Variants in SLC9A9 observed in about 807,000 individuals in gnomAD.
SLC9A9 encodes solute carrier family 9 member A9.
In SLC9A9, 62 loss-of-function variants were observed where a neutral mutation model predicts 77.8. That is an observed-to-expected ratio of 0.80 (90% confidence interval 0.65 to 0.98). The LOEUF (loss-of-function observed/expected upper bound fraction) is 0.98. Ranked by LOEUF, SLC9A9 falls within the 50% of genes least tolerant of loss-of-function variation. SLC9A9 has a pLI of 0.00. For missense variants in SLC9A9, 775 were observed against 774.9 expected (o/e 1.00, Z 0.00); for synonymous variants, 320 against 283.5 (o/e 1.13, Z -1.29).
At chr3:143,270,056 T>C (rs1197369105) in intron 14 of SLC9A9, among the ~76,000 whole-genome samples, 1 of 152,186 alleles carries the variant, frequency 6.6e-6, no homozygotes, top group Non-Finnish European at 1.5e-5. Flanking sequence ...AAGCAGGCCA[T>C]GCACCTGAAC....
At chr3:143,679,502 A>G (rs1322476340) in intron 5 of SLC9A9, among the ~76,000 whole-genome samples, 1 of 152,220 alleles carries the variant, frequency 6.6e-6, no homozygotes, top group East Asian at 1.9e-4. Flanking sequence ...GGGGCCGTCT[A>G]GTGCGTTTTC....
intron 14 of SLC9A9, among the ~76,000 whole-genome samples, chr3:143,351,093 C>T (rs953531079): frequency 2.0e-5 from 3 of 152,160 alleles, no homozygotes; most frequent in Non-Finnish European, 4.4e-5. Context: ...GGTTTTAAAA[C>T]CTTTTTGATT....
chr3:143,790,216 A>G (rs1356446207), intron 4 of SLC9A9, among the ~76,000 whole-genome samples: 1 of 152,190 alleles, frequency 6.6e-6, no homozygotes, highest in Non-Finnish European at 1.5e-5. Context: ...AGGCCTCCCC[A>G]GCCATGCGGA....
chr3:143,475,509 G>A (rs990833699), intron 11 of SLC9A9, among the ~76,000 whole-genome samples: 1 of 151,864 alleles, frequency 6.6e-6, no homozygotes, highest in African/African-American at 2.4e-5. Context: ...AGTACAATTA[G>A]AGGCCGGGTG....
At chr3:143,673,641 T>C (rs2039192939) in intron 5 of SLC9A9, among the ~76,000 whole-genome samples, 1 of 151,844 alleles carries the variant, frequency 6.6e-6, no homozygotes, top group Admixed American at 6.6e-5. Flanking sequence ...ATTAATAATA[T>C]TAATAATATT....
chr3:143,432,747 A>G (rs1576493458), intron 12 of SLC9A9, among the ~76,000 whole-genome samples: 1 of 151,834 alleles, frequency 6.6e-6, no homozygotes, highest in Non-Finnish European at 1.5e-5. Context: ...CCTGCCTCAG[A>G]CTCCCAAGTA....
chr3:143,421,424 A>G (rs2034294343), intron 12 of SLC9A9, among the ~76,000 whole-genome samples: 1 of 152,196 alleles, frequency 6.6e-6, no homozygotes, highest in South Asian at 2.1e-4. Context: ...ACATAGACCA[A>G]CTGAACAGAA....
chr3:143,592,402 C>A (rs2037664160), intron 6 of SLC9A9, among the ~76,000 whole-genome samples: 1 of 151,958 alleles, frequency 6.6e-6, no homozygotes, highest in East Asian at 1.9e-4. Context: ...ACAACAACAA[C>A]AAAAAAAGTG....
chr3:143,478,656 C>T (rs2035521835), intron 11 of SLC9A9, among the ~76,000 whole-genome samples: 1 of 152,210 alleles, frequency 6.6e-6, no homozygotes, highest in Non-Finnish European at 1.5e-5. Flanking sequence ...GCTTCTTGCT[C>T]ATTTGCACAT....
chr3:143,383,666 G>T (rs891818458), intron 12 of SLC9A9, among the ~76,000 whole-genome samples: 2 of 152,220 alleles, frequency 1.3e-5, no homozygotes, highest in African/African-American at 4.8e-5. Context: ...GAGTCCCTCT[G>T]CCTGCTTCAG....
chr3:143,761,172 A>G (rs2007108277), intron 4 of SLC9A9, among the ~76,000 whole-genome samples: 1 of 152,200 alleles, frequency 6.6e-6, no homozygotes, highest in Non-Finnish European at 1.5e-5. Flanking sequence ...CCTTCCTTAC[A>G]CCTTATACAA....
intron 9 of SLC9A9, chr3:143,517,806 T>C: frequency 6.2e-7 from 1 of 1,600,048 alleles, no homozygotes; most frequent in Non-Finnish European, 8.5e-7. Context: ...GGATTCAGCT[T>C]GATGGCATCT....
chr3:143,735,306 A>G (rs1228906908), intron 4 of SLC9A9, among the ~76,000 whole-genome samples: 2 of 152,316 alleles, frequency 1.3e-5, no homozygotes, highest in African/African-American at 4.8e-5. Flanking sequence ...GTCCTAAAAT[A>G]AAAAGGACTC....
chr3:143,589,555 G>A (rs565932225), intron 6 of SLC9A9, among the ~76,000 whole-genome samples: 68 of 152,184 alleles, frequency 4.5e-4, no homozygotes, highest in African/African-American at 1.6e-3. Flanking sequence ...GAAGATATAG[G>A]TTATACCATA....
intron 2 of SLC9A9, among the ~76,000 whole-genome samples, chr3:143,817,124 C>T (rs1413552114): frequency 6.8e-6 from 1 of 147,752 alleles, no homozygotes; most frequent in Non-Finnish European, 1.5e-5. Flanking sequence ...CTTTTTCATG[C>T]AAAAGTTTAT....
At chr3:143,382,569 A>G (rs748159698) in intron 12 of SLC9A9, among the ~76,000 whole-genome samples, 6 of 152,232 alleles carry the variant, frequency 3.9e-5, no homozygotes, top group Non-Finnish European at 8.8e-5. Context: ...CCCCATAGGG[A>G]GGATTCAGAC....
chr3:143,832,224 A>T lies in SLC9A9; in HGVS notation c.176-3T>A. 6 of 1,305,088 alleles carry T rather than the reference A, an allele frequency of 4.6e-6. No individual in the cohort carries two copies. Among genetic ancestry groups the T allele is most frequent in the Non-Finnish European group, 6.3e-6 (6 of 949,252 alleles). The allele number at this position is 1,305,088 out of a possible 1,614,324, so 80.8% of individuals were successfully genotyped here. On this transcript the variant is annotated splice_region_variant and splice_polypyrimidine_tract_variant and intron_variant, in intron 1 of 15. Transcript: ENST00000316549. ...TAAAATTAGTCCCATTATAAGGCCT[A>T]AAAAAAAAAGAATAAATAATGGTAC...
intron 9 of SLC9A9, among the ~76,000 whole-genome samples, chr3:143,520,328 G>C (rs9873297): frequency 0.33 from 50,444 of 152,018 alleles, 8,437 homozygotes; most frequent in East Asian, 0.43. Context: ...TAAGAATAGA[G>C]TTGAGAGAGA....
intron 4 of SLC9A9, among the ~76,000 whole-genome samples, chr3:143,725,468 T>A (rs1303448228): frequency 2.3e-4 from 34 of 145,160 alleles, no homozygotes; most frequent in South Asian, 6.8e-4. Context: ...TCACAATAGC[T>A]AAGACTTGGA....
Sources: gnomAD v4.1 joint callset for allele counts (sites outside exome capture counted in the v4.1 genomes callset) on GRCh38, gnomAD v4.1.1 for gene constraint, MANE v1.5 for transcripts, NCBI Gene and HGNC (gene_info 2026-07-23, HGNC 2026-07-21) for gene names.